Variants in SPOCK3 observed in about 807,000 individuals in gnomAD.
The protein encoded by SPOCK3 is testican-3.
A neutral mutation model predicts 56.6 loss-of-function variants in SPOCK3; 30 were observed. The observed-to-expected ratio is 0.53, with a 90% CI of 0.40 to 0.72. The LOEUF (loss-of-function observed/expected upper bound fraction) is 0.72. Among genes scored for constraint, SPOCK3 ranks in the 30% least tolerant of loss-of-function variants. The pLI, the probability that SPOCK3 is intolerant of heterozygous loss-of-function variation, is 0.00. For missense variants in SPOCK3, 527 were observed against 530.0 expected (o/e 0.99, Z 0.06); for synonymous variants, 196 against 183.3 (o/e 1.07, Z -0.56).
intron 7 of SPOCK3, among the ~76,000 whole-genome samples, chr4:166,789,879 T>C (rs947750572): frequency 6.6e-6 from 1 of 152,196 alleles, no homozygotes; most frequent in Non-Finnish European, 1.5e-5. Flanking sequence ...TGGCAATATC[T>C]ATTATCTTAT....
intron 6 of SPOCK3, among the ~76,000 whole-genome samples, chr4:166,830,407 A>G (rs1745909959): frequency 6.6e-6 from 1 of 152,112 alleles, no homozygotes; most frequent in African/African-American, 2.4e-5. Context: ...ATCTCACTGT[A>G]TCATTCATTA....
At chr4:166,840,641 T>C (rs1747137725) in intron 6 of SPOCK3, among the ~76,000 whole-genome samples, 1 of 152,126 alleles carries the variant, frequency 6.6e-6, no homozygotes, top group African/African-American at 2.4e-5. Flanking sequence ...CTGAGGTCCC[T>C]AGCTAGTTGT....
chr4:167,212,311 G>A (rs959469506), intron 2 of SPOCK3, among the ~76,000 whole-genome samples: 3 of 149,548 alleles, frequency 2.0e-5, no homozygotes, highest in South Asian at 2.1e-4. Context: ...GTGTGATCTC[G>A]GCTCACAGCA....
chr4:167,208,502 G>A (rs1734564059), intron 2 of SPOCK3, among the ~76,000 whole-genome samples: 1 of 152,072 alleles, frequency 6.6e-6, no homozygotes, highest in South Asian at 2.1e-4. Context: ...TTTGGCTTCA[G>A]AGTCAAACAG....
chr4:166,872,809 C>T (rs1732623972), intron 6 of SPOCK3, among the ~76,000 whole-genome samples: 1 of 152,066 alleles, frequency 6.6e-6, no homozygotes, highest in African/African-American at 2.4e-5. Context: ...TTATTTGGCT[C>T]ATGATTCTGG....
At chr4:166,934,832 A>G (rs1398636862) in intron 4 of SPOCK3, among the ~76,000 whole-genome samples, 1 of 151,718 alleles carries the variant, frequency 6.6e-6, no homozygotes, top group Non-Finnish European at 1.5e-5. Context: ...GGTAATAAGT[A>G]CTTTGAAGAC....
At chr4:166,909,586 C>T (rs1413592427) in intron 5 of SPOCK3, among the ~76,000 whole-genome samples, 1 of 152,040 alleles carries the variant, frequency 6.6e-6, no homozygotes. Context: ...GGAAAGGCTT[C>T]CACAGCAAGA....
chr4:167,213,153 G>A (rs1354490211), intron 2 of SPOCK3, among the ~76,000 whole-genome samples: 1 of 152,158 alleles, frequency 6.6e-6, no homozygotes, highest in Admixed American at 6.5e-5. Context: ...GCTAATTGAT[G>A]GCAAAGTAAA....
chr4:166,876,338 A>T (rs1733079150), intron 6 of SPOCK3, among the ~76,000 whole-genome samples: 1 of 152,216 alleles, frequency 6.6e-6, no homozygotes, highest in Non-Finnish European at 1.5e-5. Context: ...GAATTTTGAA[A>T]ATATGGCAAT....
rs557210228 is a variant in SPOCK3 at position 166,767,644 on chromosome 4, G to T, written c.710-12915C>A. Reference sequence around the variant, plus strand: ...AATTTTGGAATAAGTGCCATGTGGTGCTGAGAAGAATGTATATTCTGTTGA... The same window carrying T: ...AATTTTGGAATAAGTGCCATGTGGTTCTGAGAAGAATGTATATTCTGTTGA... On this transcript the variant is annotated intron_variant, in intron 7 of 10. Transcript: ENST00000357545. Among the ~76,000 whole-genome samples the T allele has an allele frequency of 8.1e-4, 124 of 152,316 alleles. No individual in the cohort carries two copies. In the South Asian group the frequency reaches 0.02, roughly 24 times the overall value.
At chr4:167,078,308 C>G (rs1757384640) in intron 2 of SPOCK3, among the ~76,000 whole-genome samples, 1 of 105,036 alleles carries the variant, frequency 9.5e-6, no homozygotes, top group Non-Finnish European at 2.0e-5. Context: ...GGTCATAACT[C>G]TGTGTGTGTG....
At chr4:167,161,559 T>C (rs1765306233) in intron 2 of SPOCK3, among the ~76,000 whole-genome samples, 1 of 152,160 alleles carries the variant, frequency 6.6e-6, no homozygotes, top group East Asian at 1.9e-4. Flanking sequence ...CAAAGGATTA[T>C]AAACCATGCT....
At chr4:166,946,766 A>C (rs1741808733) in intron 4 of SPOCK3, among the ~76,000 whole-genome samples, 1 of 152,118 alleles carries the variant, frequency 6.6e-6, no homozygotes, top group African/African-American at 2.4e-5. Flanking sequence ...TTCTCTTTAC[A>C]CTATAATGTA....
At chr4:166,999,841 A>G (rs1405683164) in intron 4 of SPOCK3, among the ~76,000 whole-genome samples, 1 of 152,122 alleles carries the variant, frequency 6.6e-6, no homozygotes, top group East Asian at 1.9e-4. Context: ...GTGAATCAGC[A>G]TCCACCGAAT....
intron 6 of SPOCK3, among the ~76,000 whole-genome samples, chr4:166,856,592 GGT>G (rs1730696031): frequency 6.6e-6 from 1 of 152,060 alleles, no homozygotes; most frequent in Non-Finnish European, 1.5e-5. Context: ...TGGCCAACAT[GGT>G]GAAACCCTGT....
intron 6 of SPOCK3, among the ~76,000 whole-genome samples, chr4:166,849,006 A>C (rs1329225843): frequency 1.3e-5 from 2 of 152,006 alleles, no homozygotes; most frequent in African/African-American, 2.4e-5. Flanking sequence ...TCGTGTAAGT[A>C]AAGAAGCCAA....
chr4:166,921,499 T>G (rs1013956267), intron 4 of SPOCK3, among the ~76,000 whole-genome samples: 2 of 152,106 alleles, frequency 1.3e-5, no homozygotes, highest in Admixed American at 1.3e-4. Flanking sequence ...GTATTTTTTG[T>G]AGAGACAGGG....
chr4:166,996,347 G>A (rs1449665861), intron 4 of SPOCK3, among the ~76,000 whole-genome samples: 3 of 152,102 alleles, frequency 2.0e-5, no homozygotes, highest in Non-Finnish European at 4.4e-5. Context: ...TCTAGAAATA[G>A]TGTTAATTAT....
At chr4:167,074,109 C>T (rs1195392720) in intron 2 of SPOCK3, among the ~76,000 whole-genome samples, 4 of 151,040 alleles carry the variant, frequency 2.6e-5, no homozygotes, top group Non-Finnish European at 5.9e-5. Flanking sequence ...TTATAATAAT[C>T]AGTAAAGGGT....
Sources: gnomAD v4.1 joint callset for allele counts (sites outside exome capture counted in the v4.1 genomes callset) on GRCh38, gnomAD v4.1.1 for gene constraint, MANE v1.5 for transcripts, NCBI Gene and HGNC (gene_info 2026-07-23, HGNC 2026-07-21) for gene names.